KIF13A: variants seen among roughly 807,000 people sequenced by gnomAD.
The protein encoded by KIF13A is kinesin family member 13A, also known as kinesin-like protein KIF13A.
Under a neutral mutation model 212.2 loss-of-function variants are expected in KIF13A, and 79 were observed. The ratio of observed to expected loss-of-function variants is 0.37; its 90% confidence interval spans 0.31 to 0.45. The LOEUF (loss-of-function observed/expected upper bound fraction) is 0.45. Ranked by LOEUF, KIF13A falls within the 20% of genes least tolerant of loss-of-function variation. The pLI, the probability that KIF13A is intolerant of heterozygous loss-of-function variation, is 1.00. For synonymous variants in KIF13A, 789 were observed against 808.6 expected (o/e 0.98, Z 0.41); for missense variants, 1,901 against 2,209.0 (o/e 0.86, Z 2.79).
intron 20 of KIF13A, among the ~76,000 whole-genome samples, chr6:17,802,195 T>C (rs189726709): frequency 6.6e-6 from 1 of 152,216 alleles, no homozygotes; most frequent in African/African-American, 2.4e-5. Flanking sequence ...CTACAAGAAA[T>C]TACTCGATGA....
chr6:17,771,454 C>T lies in KIF13A; in HGVS notation c.4477-236G>A, dbSNP rs1192716696. Reference sequence around the variant, plus strand: ...TAAAAAACAGCCTTTTGACCAGGTACAACGGCTCATGCCTGCAATCCCAGT... The same window carrying T: ...TAAAAAACAGCCTTTTGACCAGGTATAACGGCTCATGCCTGCAATCCCAGT... On this transcript the variant is annotated intron_variant, in intron 37 of 38. Transcript: ENST00000259711. This position sits in a 1 kb window ranked among gnomAD's most constrained non-coding sequence, Gnocchi z 5.4. The T allele has an allele frequency of 2.0e-6, 1 of 500,612 alleles. No individual in the cohort carries two copies. The highest frequency in any genetic ancestry group is 2.0e-5 in the African/African-American group (1 of 50,284). 31.0% of individuals were successfully genotyped at this position (500,612 alleles called of 1,614,324 possible). A position where few individuals can be genotyped will look rare whatever the true frequency, so the allele number is the denominator to read the frequency against.
intron 16 of KIF13A, among the ~76,000 whole-genome samples, chr6:17,820,773 C>T (rs920516787): frequency 2.4e-4 from 37 of 152,234 alleles, no homozygotes; most frequent in African/African-American, 7.7e-4. Flanking sequence ...TTCTTCTTTA[C>T]TTAGTAGGTA....
intron 26 of KIF13A, among the ~76,000 whole-genome samples, chr6:17,788,732 T>G (rs948166465): frequency 6.6e-6 from 1 of 152,178 alleles, no homozygotes; most frequent in Non-Finnish European, 1.5e-5. Context: ...ACCCACATTT[T>G]TTTTTCCCCG....
At position 17,786,211 on chromosome 6, in the gene KIF13A, G is replaced by A. The variant is rs1239524448; in HGVS notation, c.3362-570C>T. On this transcript the variant is annotated intron_variant, in intron 27 of 38. Transcript: ENST00000259711. This position sits in a 1 kb window ranked among gnomAD's most constrained non-coding sequence, Gnocchi z 5.4. ...CTGTCAAACAGGGATAAAAGAAGTC[G>A]TATCTACTTCATGTACTTGCTGGAA... Among the ~76,000 whole-genome samples the A allele has an allele frequency of 4.6e-5, 7 of 152,162 alleles. No homozygotes were observed. Among genetic ancestry groups the A allele is most frequent in the Admixed American group, 4.6e-4 (7 of 15,262 alleles).
In KIF13A at chr6:17,789,430, G is replaced by A. The variant is rs906388573; in HGVS notation, c.3261+442C>T. On this transcript the variant is annotated intron_variant, in intron 26 of 38. Transcript: ENST00000259711. This position sits in a 1 kb window ranked among gnomAD's most constrained non-coding sequence, Gnocchi z 4.8. ...AACAATATTAGCTCTTGGATGTAAG[G>A]AGCAGAATGCACTTTAGCATGGGAA... Among the ~76,000 whole-genome samples, 12 of 152,182 alleles carry A rather than the reference G, an allele frequency of 7.9e-5. No individual in the cohort carries two copies. In the East Asian group the frequency reaches 1.7e-3, roughly 22 times the overall value.
intron 2 of KIF13A, among the ~76,000 whole-genome samples, chr6:17,907,163 C>G (rs999002845): frequency 6.6e-6 from 1 of 151,942 alleles, no homozygotes; most frequent in Non-Finnish European, 1.5e-5. Context: ...ATTTAATGAC[C>G]CTATACATAA....
At chr6:17,953,207 TAA>T (rs1419017510) in intron 2 of KIF13A, among the ~76,000 whole-genome samples, 1 of 152,100 alleles carries the variant, frequency 6.6e-6, no homozygotes, top group African/African-American at 2.4e-5. Flanking sequence ...ATTATTCTGT[TAA>T]GTTAAAAAAG....
At chr6:17,949,860 A>G (rs1777713032) in intron 2 of KIF13A, among the ~76,000 whole-genome samples, 1 of 152,152 alleles carries the variant, frequency 6.6e-6, no homozygotes, top group African/African-American at 2.4e-5. Flanking sequence ...GAGTTAAGAG[A>G]TAACAAATGC....
At chr6:17,930,417 C>T (rs532939390) in intron 2 of KIF13A, among the ~76,000 whole-genome samples, 47 of 152,184 alleles carry the variant, frequency 3.1e-4, no homozygotes, top group Non-Finnish European at 5.3e-4. Flanking sequence ...TTTAAAATAA[C>T]GGATTCATGC....
chr6:17,762,648 G>C (rs1322135788), downstream of KIF13A, among the ~76,000 whole-genome samples: 1 of 152,128 alleles, frequency 6.6e-6, no homozygotes, highest in Non-Finnish European at 1.5e-5. Context: ...TGACGAACAA[G>C]GGTTGAAAAG....
intron 3 of KIF13A, among the ~76,000 whole-genome samples, chr6:17,875,456 CTTTTT>C (rs758607280): frequency 7.3e-6 from 1 of 137,142 alleles, no homozygotes. Flanking sequence ...TTTTCTTTTC[CTTTTT>C]TTTTTTTTTT....
rs1310635438 is a variant in KIF13A at position 17,837,413 on chromosome 6, C to T, written c.942+59G>A. 1 of 1,147,194 alleles carries T rather than the reference C, an allele frequency of 8.7e-7. No homozygotes were observed. Among genetic ancestry groups the T allele is most frequent in the Admixed American group, 2.0e-5 (1 of 50,094 alleles). The allele number at this position is 1,147,194 out of a possible 1,614,324, so 71.1% of individuals were successfully genotyped here. A position where few individuals can be genotyped will look rare whatever the true frequency, so the allele number is the denominator to read the frequency against. ...GGTTAGCTTTGTACACACCTTTACTCTGTCACATCTGGAATAGCCAATTTT... is the reference window on the plus strand; with the variant it reads ...GGTTAGCTTTGTACACACCTTTACTTTGTCACATCTGGAATAGCCAATTTT... On this transcript the variant is annotated intron_variant, in intron 10 of 38. Coordinates refer to ENST00000259711, the MANE Select transcript of KIF13A (RefSeq NM_022113.6). The surrounding 1 kb of genome is among the most constrained non-coding windows in gnomAD (Gnocchi z 5.4).
At chr6:17,824,770 A>AC (rs907716394) in intron 16 of KIF13A, among the ~76,000 whole-genome samples, 1 of 147,432 alleles carries the variant, frequency 6.8e-6, no homozygotes, top group African/African-American at 2.6e-5. Flanking sequence ...CAAAAAAAAA[A>AC]AAAAAAAAAA....
intron 4 of KIF13A, among the ~76,000 whole-genome samples, chr6:17,864,583 G>A (rs892307379): frequency 6.6e-6 from 1 of 152,124 alleles, no homozygotes. Flanking sequence ...CTAACTCCTC[G>A]AGGTTCAAGG....
Position 17,787,638 on chromosome 6 carries a change from G to A in KIF13A, c.3361+138C>T. On this transcript the variant is annotated intron_variant, in intron 27 of 38. Transcript: ENST00000259711. The surrounding 1 kb of genome is among the most constrained non-coding windows in gnomAD (Gnocchi z 4.6). ...TGCACTCCAGCTTGGGTGACAGAGT[G>A]AGACCCTGTCTTAAAACAACAACAA... The A allele has an allele frequency of 4.8e-6, 3 of 623,970 alleles. No homozygotes were observed. The highest frequency in any genetic ancestry group is 8.6e-6 in the Non-Finnish European group (3 of 349,396). The allele number at this position is 623,970 out of a possible 1,614,324, so 38.7% of individuals were successfully genotyped here. A position where few individuals can be genotyped will look rare whatever the true frequency, so the allele number is the denominator to read the frequency against.
At chr6:17,868,863 A>T (rs1484200578) in intron 4 of KIF13A, among the ~76,000 whole-genome samples, 1 of 151,274 alleles carries the variant, frequency 6.6e-6, no homozygotes, top group Non-Finnish European at 1.5e-5. Flanking sequence ...GTGTGGTGGC[A>T]TATGTCTGTA....
rs1772658142 is a variant in KIF13A at position 17,897,293 on chromosome 6, A to G, written c.159+875T>C. Among the ~76,000 whole-genome samples the G allele has an allele frequency of 6.6e-6, 1 of 152,120 alleles. No homozygotes were observed. The highest frequency in any genetic ancestry group is 2.1e-4 in the South Asian group (1 of 4,824). ...GTCACCCAACTTGTCTTAGATTCTG[A>G]CCATATAATTTGTGTAGGTAAAGCC... On this transcript the variant is annotated intron_variant, in intron 3 of 38. Transcript: ENST00000259711. The surrounding 1 kb of genome is among the most constrained non-coding windows in gnomAD (Gnocchi z 4.8).
At chr6:17,931,578 A>G (rs1018917127) in intron 2 of KIF13A, among the ~76,000 whole-genome samples, 24 of 152,194 alleles carry the variant, frequency 1.6e-4, no homozygotes, top group African/African-American at 5.8e-4. Context: ...TAGAAATAGG[A>G]TCCTGCTATG....
intron 2 of KIF13A, among the ~76,000 whole-genome samples, chr6:17,946,462 A>C (rs1025677647): frequency 6.6e-6 from 1 of 152,066 alleles, no homozygotes; most frequent in African/African-American, 2.4e-5. Context: ...AACAAAAAAG[A>C]GAAAATGAGT....
Sources: gnomAD v4.1 joint callset for allele counts (sites outside exome capture counted in the v4.1 genomes callset) on GRCh38, gnomAD v4.1.1 for gene constraint, Gnocchi (gnomAD v3.1) non-coding constraint, MANE v1.5 for transcripts, NCBI Gene and HGNC (gene_info 2026-07-23, HGNC 2026-07-21) for gene names.